Variants in SYT17 observed in about 807,000 individuals in gnomAD.
SYT17 encodes the protein synaptotagmin 17, also known as synaptotagmin-17.
SYT17 carries 22 observed loss-of-function variants against 46.7 expected under a neutral mutation model. The observed-to-expected ratio is 0.47, with a 90% CI of 0.34 to 0.67. The LOEUF (loss-of-function observed/expected upper bound fraction) is 0.67, where lower values mean the gene tolerates loss of function less well. Among genes scored for constraint, SYT17 ranks in the 30% least tolerant of loss-of-function variants. SYT17 has a pLI of 0.01. For synonymous variants in SYT17, 251 were observed against 248.4 expected (o/e 1.01, Z -0.10); for missense variants, 519 against 612.8 (o/e 0.85, Z 1.62).
rs988331330 is a variant in SYT17, at chr16:19,169,390, T to C, written c.15+729T>C. Among the ~76,000 whole-genome samples, 12 of 152,324 alleles carry C rather than the reference T, an allele frequency of 7.9e-5. No individual in the cohort carries two copies. In the South Asian group the frequency reaches 2.5e-3, roughly 32 times the overall value. ...CCTTTCTCCTCTGCAAGAAGGGAAG[T>C]GACCGCAGGTCAGCGCCAAGGTCAA... is the stretch of plus-strand genomic sequence containing the variant. On this transcript the variant is annotated intron_variant, in intron 1 of 7. Coordinates refer to ENST00000355377, the MANE Select transcript of SYT17 (RefSeq NM_016524.4).
At chr16:19,203,574 G>A (rs1965551281) in intron 5 of SYT17, among the ~76,000 whole-genome samples, 1 of 152,252 alleles carries the variant, frequency 6.6e-6, no homozygotes, top group Non-Finnish European at 1.5e-5. Flanking sequence ...TTGCCCATAT[G>A]TCGGCTCTGG....
At chr16:19,233,905 A>G (rs1966792598) in intron 7 of SYT17, among the ~76,000 whole-genome samples, 1 of 152,158 alleles carries the variant, frequency 6.6e-6, no homozygotes, top group Admixed American at 6.5e-5. Flanking sequence ...GCCATGCAGC[A>G]GCCTCTGTCT....
In SYT17 at chr16:19,249,359, T is replaced by C. The variant is rs145098663; in HGVS notation, c.1229-17521T>C. Among the ~76,000 whole-genome samples the C allele has an allele frequency of 9.6e-3, 1,458 of 152,238 alleles. 27 individuals are homozygous for C. Among genetic ancestry groups the C allele is most frequent in the African/African-American group, 0.033 (1,375 of 41,540 alleles). On this transcript the variant is annotated intron_variant, in intron 7 of 7. Transcript: ENST00000355377. The stretch of plus-strand genomic sequence containing the variant: ...GCAGCAGGCAAGGTACTACTACCTG[T>C]GTCCAGCCAACTTGAGCCAGGGAGG...
At chr16:19,244,398 A>G (rs1160837994) in intron 7 of SYT17, among the ~76,000 whole-genome samples, 1 of 151,988 alleles carries the variant, frequency 6.6e-6, no homozygotes, top group Non-Finnish European at 1.5e-5. Flanking sequence ...CAGTGGCACA[A>G]TCTTAGCTCA....
intron 7 of SYT17, among the ~76,000 whole-genome samples, chr16:19,248,561 T>C (rs141772222): frequency 0.016 from 2,483 of 152,156 alleles, 72 homozygotes; most frequent in African/African-American, 0.056. Context: ...TGGCTCACGC[T>C]TGTAATCTCC....
At chr16:19,200,613 A>G (rs1008323774) in intron 5 of SYT17, among the ~76,000 whole-genome samples, 4 of 152,108 alleles carry the variant, frequency 2.6e-5, no homozygotes, top group Non-Finnish European at 4.4e-5. Flanking sequence ...CTCCCTCTTC[A>G]TTTCTCTCCA....
chr16:19,193,001 C>T (rs1198458950), intron 5 of SYT17, among the ~76,000 whole-genome samples: 2 of 152,214 alleles, frequency 1.3e-5, no homozygotes, highest in African/African-American at 2.4e-5. Flanking sequence ...GACCTCGTTC[C>T]GAGAAACACT....
Position 19,168,425 on chromosome 16 carries a change from G to T in SYT17, c.-222G>T. 1.6e-6 allele frequency: 1 copy of T among 608,656 alleles called. No individual in the cohort carries two copies. Among genetic ancestry groups the T allele is most frequent in the Non-Finnish European group, 2.8e-6 (1 of 357,828 alleles). The allele number at this position is 608,656 out of a possible 1,614,324, so 37.7% of individuals were successfully genotyped here. ...GGGCGCCCGATATCTCCGAACCGGG[G>T]AGGCGGCCCCGATTCCGAGAGCCGG... On this transcript the variant is annotated 5_prime_UTR_variant, in exon 1 of 8. Coordinates refer to ENST00000355377, the MANE Select transcript of SYT17 (RefSeq NM_016524.4). The surrounding 1 kb of genome is among the most constrained non-coding windows in gnomAD (Gnocchi z 6.9).
At chr16:19,264,821 T>C (rs1338233612) in intron 7 of SYT17, among the ~76,000 whole-genome samples, 1 of 152,262 alleles carries the variant, frequency 6.6e-6, no homozygotes, top group Non-Finnish European at 1.5e-5. Context: ...CTCAGACTCC[T>C]GGGCTCAAGC....
chr16:19,212,205 A>G (rs912103059), intron 5 of SYT17, among the ~76,000 whole-genome samples: 1 of 152,190 alleles, frequency 6.6e-6, no homozygotes, highest in African/African-American at 2.4e-5. Flanking sequence ...TGTAGCGCAC[A>G]GGACAGCTCC....
chr16:19,235,341 G>A (rs1966839029), intron 7 of SYT17, among the ~76,000 whole-genome samples: 1 of 152,124 alleles, frequency 6.6e-6, no homozygotes, highest in Admixed American at 6.5e-5. Flanking sequence ...ACACATCTGA[G>A]GGGCAGATAC....
At chr16:19,244,932 T>C (rs1441122734) in intron 7 of SYT17, among the ~76,000 whole-genome samples, 4 of 152,172 alleles carry the variant, frequency 2.6e-5, no homozygotes, top group Non-Finnish European at 4.4e-5. Flanking sequence ...CAGCTACACG[T>C]TGAGGGAGAG....
chr16:19,249,873 T>C, intron 7 of SYT17: 11 of 1,494,136 alleles, frequency 7.4e-6, no homozygotes, highest in Non-Finnish European at 8.9e-6. Flanking sequence ...CATACTTTCA[T>C]CCAGGTCGTC....
At chr16:19,180,320 C>T in intron 3 of SYT17, 71 bp from the exon 4 acceptor site, 4 of 1,568,152 alleles carry the variant, frequency 2.6e-6, no homozygotes, top group Non-Finnish European at 3.5e-6. Flanking sequence ...TGGGTCTTAA[C>T]CCCCAAGGGA....
At chr16:19,193,642 C>T (rs1488020592) in intron 5 of SYT17, among the ~76,000 whole-genome samples, 2 of 152,116 alleles carry the variant, frequency 1.3e-5, no homozygotes, top group African/African-American at 2.4e-5. Context: ...GATTTGAGTG[C>T]TTGCATTTTC....
At chr16:19,253,377 G>A (rs1968327581) in intron 7 of SYT17, among the ~76,000 whole-genome samples, 1 of 152,062 alleles carries the variant, frequency 6.6e-6, no homozygotes, top group Admixed American at 6.6e-5. Flanking sequence ...GCAGCAAAGT[G>A]AGACCCTGAA....
In SYT17 at chr16:19,184,032, T is replaced by C. The variant is rs1392991695; in HGVS notation, c.836T>C (p.Val279Ala). ...AGGAGGACCCTGCTCCTGACCGTGG[T>C]GGATTTTGATAAGTTCTCCCGCCAC... ...AQRRTLLLTV[V>A]DFDKFSRHCV... The change falls in exon 5 of 8, where the codon GTG (valine) becomes GCG (alanine). Residue 279 changes from valine (V) to alanine (A), a missense_variant. Val to Ala is a moderately conservative substitution (Grantham distance 64). Coordinates refer to ENST00000355377, the MANE Select transcript of SYT17 (RefSeq NM_016524.4). 1.1e-5 allele frequency: 18 copies of C among 1,614,000 alleles called. No individual in the cohort carries two copies. The highest frequency in any genetic ancestry group is 1.5e-5 in the Non-Finnish European group (18 of 1,180,022).
chr16:19,168,775 C>G lies in SYT17; in HGVS notation c.15+114C>G, dbSNP rs527677193. ...CGGCTAGGCTCCCACAAACTTGCTT[C>G]GAGAAAAAGGGTGCCCGTGCGCGGG... On this transcript the variant is annotated intron_variant, in intron 1 of 7. Transcript: ENST00000355377. The surrounding 1 kb of genome is among the most constrained non-coding windows in gnomAD (Gnocchi z 6.9). The G allele has an allele frequency of 7.6e-7, 1 of 1,317,032 alleles. No individual in the cohort carries two copies. Among genetic ancestry groups the G allele is most frequent in the African/African-American group, 1.6e-5 (1 of 63,890 alleles). The allele number at this position is 1,317,032 out of a possible 1,614,324, so 81.6% of individuals were successfully genotyped here.
intron 7 of SYT17, among the ~76,000 whole-genome samples, chr16:19,251,517 C>G (rs1256382034): frequency 2.0e-5 from 3 of 152,146 alleles, no homozygotes; most frequent in African/African-American, 7.2e-5. Flanking sequence ...GTTCTAGGGC[C>G]AGGACTTTGT....
Sources: allele counts gnomAD v4.1 joint callset (sites outside exome capture counted in the v4.1 genomes callset), GRCh38; gene constraint gnomAD v4.1.1; non-coding constraint Gnocchi (gnomAD v3.1); transcripts MANE v1.5; gene names NCBI Gene and HGNC (gene_info 2026-07-23, HGNC 2026-07-21).